The following CIAO2B variants were observed in gnomAD, a reference collection of about 807,000 sequenced individuals.
The protein encoded by CIAO2B is MSS19-interacting protein of 18 kDa.
CIAO2B carries 20 observed loss-of-function variants against 16.4 expected under a neutral mutation model. The ratio of observed to expected loss-of-function variants is 1.22; its 90% CI spans 0.86 to 1.77. The LOEUF (loss-of-function observed/expected upper bound fraction) is 1.77. CIAO2B is among the 40% of genes most tolerant of loss of function. CIAO2B has a pLI of 0.00. For synonymous variants in CIAO2B, 106 were observed against 90.4 expected, an observed-to-expected ratio of 1.17 and a Z score of -0.98; for missense variants, 215 against 222.4, an observed-to-expected ratio of 0.97 and a Z score of 0.21.
In CIAO2B at chr16:66,934,205, C is replaced by T. The variant is rs751807113; in HGVS notation, c.142+18G>A. 3.1e-6 allele frequency: 5 copies of T among 1,608,272 alleles called. No individual in the cohort carries two copies. Among genetic ancestry groups the T allele is most frequent in the South Asian group, 2.2e-5 (2 of 90,850 alleles). On this transcript the variant is annotated intron_variant, in intron 1 of 4. Coordinates refer to ENST00000422424, the MANE Select transcript of CIAO2B (RefSeq NM_016062.4). This position sits in a 1 kb window ranked among gnomAD's most constrained non-coding sequence, Gnocchi z 4.1. The stretch of plus-strand genomic sequence containing the variant: ...CGCAAGCCCCCGGAACCCGCCCGCG[C>T]CCAGCAGCGGCGGATATCGAAGATC...
intron 4 of CIAO2B, 69 bp from the exon 5 acceptor site, chr16:66,932,369 C>T (rs1024020027): frequency 1.8e-5 from 23 of 1,288,296 alleles, no homozygotes; most frequent in Non-Finnish European, 2.3e-5. Flanking sequence ...CTAGCCAGCC[C>T]TACCTCTGAA....
Position 66,934,061 on chromosome 16 carries a change from T to A in CIAO2B, c.148A>T (p.Ile50Phe). Residue 50 changes from isoleucine to phenylalanine, a missense_variant, in exon 2 of 5, where the codon ATT becomes TTT. Coordinates refer to ENST00000422424, the MANE Select transcript of CIAO2B (RefSeq NM_016062.4). This position sits in a 1 kb window ranked among gnomAD's most constrained non-coding sequence, Gnocchi z 4.1. ...SIDAREIFDLIRSINDPEHPL... is the reference protein window; with the variant it reads ...SIDAREIFDLFRSINDPEHPL... ...TGCTCCGGGTCATTGATGGAGCGAA[T>A]CAGATGTGGGAAGTGAAGGAAAAGG... is the stretch of plus-strand genomic sequence containing the variant. 1.2e-6 allele frequency: 2 copies of A among 1,613,568 alleles called. No homozygotes were observed. The highest frequency in any genetic ancestry group is 8.5e-7 in the Non-Finnish European group (1 of 1,179,830).
Position 66,932,263 on chromosome 16 carries a change from A to G in CIAO2B, c.432T>C (p.Ala144=). The G allele has an allele frequency of 6.2e-7, 1 of 1,613,908 alleles. No individual in the cohort carries two copies. Among genetic ancestry groups the G allele is most frequent in the Non-Finnish European group, 8.5e-7 (1 of 1,179,848 alleles). Reference sequence around the variant, plus strand: ...CCAAGAGGTGGGTGTTCTCCAGGGCAGCTGCCACCCGCTCCTTATCTGCAA... The same window carrying G: ...CCAAGAGGTGGGTGTTCTCCAGGGCGGCTGCCACCCGCTCCTTATCTGCAA... The part of the protein sequence containing the change: ...KQLADKERVA[A]ALENTHLLEV... Residue 144 remains alanine (A), a synonymous_variant, in exon 5 of 5, where the codon GCT becomes GCC. Transcript: ENST00000422424.
At position 66,934,179 on chromosome 16, in the gene CIAO2B, C is replaced by G. The variant is rs1156820203; in HGVS notation, c.142+44G>C. On this transcript the variant is annotated intron_variant, in intron 1 of 4. Coordinates refer to ENST00000422424, the MANE Select transcript of CIAO2B (RefSeq NM_016062.4). The surrounding 1 kb of genome is among the most constrained non-coding windows in gnomAD (Gnocchi z 4.1). ...CTGCTCGATATCACTGCTCCCCCCACCGCAAGCCCCCGGAACCCGCCCGCG... is the reference window on the plus strand; with the variant it reads ...CTGCTCGATATCACTGCTCCCCCCAGCGCAAGCCCCCGGAACCCGCCCGCG... The G allele has an allele frequency of 1.2e-6, 2 of 1,608,480 alleles. No individual in the cohort carries two copies. The highest frequency in any genetic ancestry group is 2.2e-5 in the East Asian group (1 of 44,842).
intron 3 of CIAO2B, among the ~76,000 whole-genome samples, chr16:66,933,048 C>T (rs910801484): frequency 6.6e-6 from 1 of 151,878 alleles, no homozygotes; most frequent in Admixed American, 6.6e-5. Flanking sequence ...AGTGCAGCAG[C>T]GCAATCTCGG....
chr16:66,934,010 C>T lies in CIAO2B; in HGVS notation c.199G>A (p.Val67Ile), dbSNP rs1412329585. Residue 67 changes from valine (V) to isoleucine (I), a missense_variant, in exon 2 of 5, where the codon GTA becomes ATA. Coordinates refer to ENST00000422424, the MANE Select transcript of CIAO2B (RefSeq NM_016062.4). The surrounding 1 kb of genome is among the most constrained non-coding windows in gnomAD (Gnocchi z 4.1). ...EHPLTLEELN[V>I]VEQVRVQVSD... ...ACCTGAACCCGCACCTGCTCTACTACGTTCAACTCCTCTAGCGTCAGTGGA... is the reference window on the plus strand; with the variant it reads ...ACCTGAACCCGCACCTGCTCTACTATGTTCAACTCCTCTAGCGTCAGTGGA... The T allele has an allele frequency of 6.2e-7, 1 of 1,613,804 alleles. No homozygotes were observed. Among genetic ancestry groups the T allele is most frequent in the Non-Finnish European group, 8.5e-7 (1 of 1,179,868 alleles).
rs532391390 is a variant in CIAO2B at position 66,933,967 on chromosome 16, T to C, written c.222+20A>G. 4 of 1,613,028 alleles carry C rather than the reference T, an allele frequency of 2.5e-6. No homozygotes were observed. In the South Asian group the frequency reaches 3.3e-5, roughly 13 times the overall value. ...TTTCTGACTCTCTGGAACAACTCGC[T>C]CCCCTCGGAAGTGACTCACCTGAAC... On this transcript the variant is annotated intron_variant, in intron 2 of 4. Coordinates refer to ENST00000422424, the MANE Select transcript of CIAO2B (RefSeq NM_016062.4).
At chr16:66,933,912 G>A (rs914389254) in intron 2 of CIAO2B, 75 bp downstream of exon 2, 1 of 1,586,518 alleles carries the variant, frequency 6.3e-7, no homozygotes, top group South Asian at 1.1e-5. Flanking sequence ...CGTGAGCATA[G>A]AGCACGCCAG....
In CIAO2B at chr16:66,933,965, G is replaced by C. The variant is rs569953814; in HGVS notation, c.222+22C>G. The C allele has an allele frequency of 6.1e-5, 99 of 1,612,838 alleles. 1 individual carries two copies. In the East Asian group the frequency reaches 2.2e-3, roughly 36 times the overall value. On this transcript the variant is annotated intron_variant, in intron 2 of 4. Transcript: ENST00000422424. ...CCTTTCTGACTCTCTGGAACAACTC[G>C]CTCCCCTCGGAAGTGACTCACCTGA... is the stretch of plus-strand genomic sequence containing the variant.
At chr16:66,932,565 A>T in intron 4 of CIAO2B, 1 of 730,560 alleles carries the variant, frequency 1.4e-6, no homozygotes, top group African/African-American at 1.7e-5. Context: ...ATATTTGGTG[A>T]GAGGGGATTT....
chr16:66,932,127 GA>G lies in CIAO2B; in HGVS notation c.*75del, dbSNP rs1314524493. 1.6e-5 allele frequency: 18 copies of G among 1,153,730 alleles called. No individual in the cohort carries two copies. Among genetic ancestry groups the G allele is most frequent in the Non-Finnish European group, 2.2e-5 (18 of 810,206 alleles). 71.5% of individuals were successfully genotyped at this position (1,153,730 alleles called of 1,614,324 possible). Reference sequence around the variant, plus strand: ...TAGTTTCTCATTGTGAGTGATTCAAGAAAACAACGGTAACAGCCCTGGCAGG... The same window carrying G: ...TAGTTTCTCATTGTGAGTGATTCAAGAAACAACGGTAACAGCCCTGGCAGG... On this transcript the variant is annotated 3_prime_UTR_variant, in exon 5 of 5. Coordinates refer to ENST00000422424, the MANE Select transcript of CIAO2B (RefSeq NM_016062.4).
In CIAO2B at chr16:66,932,312, G is replaced by A. The variant is rs1050766160; in HGVS notation, c.395-12C>T. ...AAGTTGCTTGTTCACTAGGTGGGAA[G>A]AAGGGTGTGGGGAAGGCAGAGTCAA... is the stretch of plus-strand genomic sequence containing the variant. On this transcript the variant is annotated splice_polypyrimidine_tract_variant and intron_variant, in intron 4 of 4. Coordinates refer to ENST00000422424, the MANE Select transcript of CIAO2B (RefSeq NM_016062.4). 21 of 1,610,732 alleles carry A rather than the reference G, an allele frequency of 1.3e-5. No homozygotes were observed. The African/African-American group carries it at 2.0e-4, about 15-fold the overall frequency.
chr16:66,932,426 C>A (rs1260334715), intron 4 of CIAO2B, 126 bp from the exon 5 acceptor site: 2 of 792,106 alleles, frequency 2.5e-6, no homozygotes, highest in Non-Finnish European at 2.2e-6. Flanking sequence ...CCTCCTGTCA[C>A]CTCCTTCCCA....
chr16:66,933,447 C>T (rs1388464065), intron 3 of CIAO2B, 167 bp downstream of exon 3: 1 of 918,842 alleles, frequency 1.1e-6, no homozygotes, highest in Non-Finnish European at 1.6e-6. Context: ...GATCTTTATT[C>T]TTGTCACATC....
rs28382809 is a variant in CIAO2B at position 66,933,185 on chromosome 16, C to A, written c.349-360G>T. Among the ~76,000 whole-genome samples, 179 of 152,240 alleles carry A rather than the reference C, an allele frequency of 1.2e-3. 1 individual carries two copies. The highest frequency in any genetic ancestry group is 2.7e-3 in the Admixed American group (42 of 15,294). ...TGTATTTTTAGTAGAGATGAGATTTCACCATGTTGGCCAGGCTGGTCTCCA... is the reference window on the plus strand; with the variant it reads ...TGTATTTTTAGTAGAGATGAGATTTAACCATGTTGGCCAGGCTGGTCTCCA... On this transcript the variant is annotated intron_variant, in intron 3 of 4. Coordinates refer to ENST00000422424, the MANE Select transcript of CIAO2B (RefSeq NM_016062.4).
chr16:66,933,280 C>T (rs1364835922), intron 3 of CIAO2B, among the ~76,000 whole-genome samples: 1 of 152,172 alleles, frequency 6.6e-6, no homozygotes, highest in South Asian at 2.1e-4. Context: ...TGAGCCACCG[C>T]GCCCGGCCCT....
In CIAO2B at chr16:66,932,809, G is replaced by A; in HGVS notation, c.365C>T (p.Thr122Ile). The stretch of plus-strand genomic sequence containing the variant: ...ATGCTCTGAGGCATGGGTCCCCGGA[G>A]TAATGTGCACGTCCATCTGGGAGGG... ...PQRFKMDVHI[T>I]PGTHASEHAV... The change falls in exon 4 of 5, where the codon ACT becomes ATT. Residue 122 changes from threonine to isoleucine, a missense_variant. Thr to Ile is a moderately conservative substitution (Grantham distance 89). Transcript: ENST00000422424. 1 of 1,612,204 alleles carries A rather than the reference G, an allele frequency of 6.2e-7. No individual in the cohort carries two copies. The highest frequency in any genetic ancestry group is 1.3e-5 in the African/African-American group (1 of 74,928).
intron 4 of CIAO2B, 67 bp downstream of exon 4, chr16:66,932,713 A>G (rs1240813971): frequency 1.9e-6 from 3 of 1,547,140 alleles, no homozygotes; most frequent in Admixed American, 1.9e-5. Flanking sequence ...ACTCCTGTGC[A>G]AGGGGGAAGC....
At chr16:66,932,954 TCCGTTACA>T in intron 3 of CIAO2B, 129 bp from the exon 4 acceptor site, 1 of 968,968 alleles carries the variant, frequency 1.0e-6, no homozygotes, top group Non-Finnish European at 1.6e-6. Flanking sequence ...CTCTGGCCCT[TCCGTTACA>T]CCCCAAACCC....
Sources: gnomAD v4.1 joint callset for allele counts (sites outside exome capture counted in the v4.1 genomes callset) on GRCh38, gnomAD v4.1.1 for gene constraint, Gnocchi (gnomAD v3.1) non-coding constraint, MANE v1.5 for transcripts, NCBI Gene and HGNC (gene_info 2026-07-23, HGNC 2026-07-21) for gene names.